Variants in RBFOX1 observed in about 807,000 individuals in gnomAD.
The protein encoded by RBFOX1 is RNA binding protein fox-1 homolog 1.
RBFOX1 carries 8 observed loss-of-function variants against 57.7 expected under a neutral mutation model. That is an observed-to-expected ratio of 0.14 (90% CI 0.08 to 0.25). The LOEUF is 0.25. RBFOX1 is among the 10% of genes least tolerant of loss of function. RBFOX1 has a pLI of 1.00. For synonymous variants in RBFOX1, 326 were observed against 222.4 expected (o/e 1.47, Z -4.15); for missense variants, 611 against 548.5 (o/e 1.11, Z -1.14).
chr16:6,131,204 T>C (rs1257958492), intron 1 of RBFOX1, among the ~76,000 whole-genome samples: 2 of 152,214 alleles, frequency 1.3e-5, no homozygotes, highest in Non-Finnish European at 2.9e-5. Flanking sequence ...AAATACTCTG[T>C]GTTTGATCGG....
At chr16:6,865,085 C>T (rs189833567) in intron 3 of RBFOX1, among the ~76,000 whole-genome samples, 2 of 144,622 alleles carry the variant, frequency 1.4e-5, no homozygotes, top group Non-Finnish European at 3.0e-5. Flanking sequence ...TCACTGCAAC[C>T]TCCGCCTCCT....
chr16:6,829,969 T>G (rs997502055), intron 3 of RBFOX1, among the ~76,000 whole-genome samples: 5 of 151,848 alleles, frequency 3.3e-5, no homozygotes, highest in African/African-American at 7.3e-5. Flanking sequence ...CAGGCTGGAG[T>G]GCAGTGGTGC....
chr16:7,488,726 C>G (rs546276807), intron 4 of RBFOX1, among the ~76,000 whole-genome samples: 4 of 152,144 alleles, frequency 2.6e-5, no homozygotes, highest in South Asian at 4.1e-4. Context: ...ATACATTCAT[C>G]TATTATCCAC....
chr16:5,892,023 C>G (rs943117042), intron 4 of RBFOX1, among the ~76,000 whole-genome samples: 2 of 152,230 alleles, frequency 1.3e-5, no homozygotes, highest in African/African-American at 2.4e-5. Flanking sequence ...TGTTCACTTA[C>G]TGAATCATTT....
chr16:7,482,399 C>T (rs558412861), intron 4 of RBFOX1, among the ~76,000 whole-genome samples: 23 of 152,292 alleles, frequency 1.5e-4, no homozygotes, highest in African/African-American at 5.5e-4. Flanking sequence ...ATTGCTGCGT[C>T]AGGGCCAGCT....
chr16:7,434,856 C>G (rs996093231), intron 4 of RBFOX1, among the ~76,000 whole-genome samples: 7 of 152,004 alleles, frequency 4.6e-5, no homozygotes, highest in Non-Finnish European at 8.8e-5. Context: ...TCTCTAGCCT[C>G]AGCCTCCTGG....
intron 2 of RBFOX1, among the ~76,000 whole-genome samples, chr16:6,512,323 C>T (rs1291552535): frequency 7.4e-6 from 1 of 135,528 alleles, no homozygotes; most frequent in Non-Finnish European, 1.6e-5. Flanking sequence ...GAGATTTATG[C>T]ATGTATTTAA....
intron 3 of RBFOX1, among the ~76,000 whole-genome samples, chr16:6,945,211 A>G (rs1481582749): frequency 6.6e-6 from 1 of 152,174 alleles, no homozygotes; most frequent in Non-Finnish European, 1.5e-5. Context: ...AATTGGCAGC[A>G]AAGTTCCAGC....
intron 1 of RBFOX1, among the ~76,000 whole-genome samples, chr16:5,339,904 GC>G (rs2064997298): frequency 6.6e-6 from 1 of 152,206 alleles, no homozygotes; most frequent in South Asian, 2.1e-4. Flanking sequence ...GTCATGGGAG[GC>G]CCGTTCCCAA....
intron 2 of RBFOX1, among the ~76,000 whole-genome samples, chr16:6,339,606 C>G (rs1039131994): frequency 1.3e-5 from 2 of 152,106 alleles, no homozygotes; most frequent in Non-Finnish European, 2.9e-5. Context: ...AGCTGTTTCA[C>G]TGGAATGTTG....
intron 2 of RBFOX1, among the ~76,000 whole-genome samples, chr16:5,598,485 T>C (rs1263932147): frequency 6.6e-6 from 1 of 152,176 alleles, no homozygotes; most frequent in Non-Finnish European, 1.5e-5. Flanking sequence ...TAAACTTCCT[T>C]TGAGATAGTC....
At chr16:6,442,074 A>G (rs2094394767) in intron 2 of RBFOX1, among the ~76,000 whole-genome samples, 1 of 152,146 alleles carries the variant, frequency 6.6e-6, no homozygotes. Context: ...AACTCTCAGT[A>G]TCTAACAACC....
chr16:7,672,065 G>A (rs547819291), intron 13 of RBFOX1, among the ~76,000 whole-genome samples: 1 of 152,322 alleles, frequency 6.6e-6, no homozygotes, highest in South Asian at 2.1e-4. Context: ...AGAATCTCAT[G>A]TGCAACATTA....
In RBFOX1 at chr16:7,657,471, A is replaced by ATT. The variant is rs769886273; in HGVS notation, c.890+3528_890+3529dup. Among the ~76,000 whole-genome samples the ATT allele has an allele frequency of 3.0e-4, 45 of 152,012 alleles. 1 individual carries two copies. Among genetic ancestry groups the ATT allele is most frequent in the Non-Finnish European group, 5.0e-4 (34 of 68,008 alleles). ...AGGTGCCCGCCACCACACCTGGCTA[A>ATT]TTTTTGCATTTTTAATAGAGATGGG... On this transcript the variant is annotated intron_variant, in intron 12 of 15. Transcript: ENST00000550418.
At chr16:6,272,859 A>T (rs2075351023) in intron 1 of RBFOX1, among the ~76,000 whole-genome samples, 1 of 152,212 alleles carries the variant, frequency 6.6e-6, no homozygotes, top group Non-Finnish European at 1.5e-5. Flanking sequence ...AACATATGGT[A>T]CTAGAGAAAC....
At chr16:7,417,614 C>G (rs1172745493) in intron 4 of RBFOX1, among the ~76,000 whole-genome samples, 3 of 151,818 alleles carry the variant, frequency 2.0e-5, no homozygotes, top group African/African-American at 7.3e-5. Flanking sequence ...GCCACCATAG[C>G]CAACATACAT....
chr16:6,050,417 G>A (rs544138903), intron 1 of RBFOX1, among the ~76,000 whole-genome samples: 26 of 152,334 alleles, frequency 1.7e-4, no homozygotes, highest in Non-Finnish European at 2.8e-4. Flanking sequence ...TCCCTGTGGT[G>A]TGATTTCACA....
At chr16:6,141,151 C>G (rs2096712842) in intron 1 of RBFOX1, among the ~76,000 whole-genome samples, 1 of 152,156 alleles carries the variant, frequency 6.6e-6, no homozygotes, top group African/African-American at 2.4e-5. Context: ...CCTCCTTTGT[C>G]TTTTTGCATT....
chr16:6,542,551 C>G (rs1436693802), intron 2 of RBFOX1, among the ~76,000 whole-genome samples: 1 of 121,898 alleles, frequency 8.2e-6, no homozygotes, highest in African/African-American at 3.1e-5. Context: ...GTGCAGTGGC[C>G]TTTTCTCGGC....
Sources: allele counts gnomAD v4.1 joint callset (sites outside exome capture counted in the v4.1 genomes callset), GRCh38; gene constraint gnomAD v4.1.1; transcripts MANE v1.5; gene names NCBI Gene and HGNC (gene_info 2026-07-23, HGNC 2026-07-21).